KCTD17: variants seen among roughly 807,000 people sequenced by gnomAD.
KCTD17 encodes the protein BTB/POZ domain-containing protein KCTD17.
A neutral mutation model predicts 41.5 loss-of-function variants in KCTD17; 20 were observed. That is an observed-to-expected ratio of 0.48 (90% CI 0.34 to 0.70). The LOEUF (loss-of-function observed/expected upper bound fraction) is 0.70, where lower values mean the gene tolerates loss of function less well. Ranked by LOEUF, KCTD17 falls within the 30% of genes least tolerant of loss-of-function variation. KCTD17 has a pLI of 0.01. For missense variants in KCTD17, 317 were observed against 427.2 expected, an observed-to-expected ratio of 0.74 and a Z score of 2.27; for synonymous variants, 156 against 173.8, an observed-to-expected ratio of 0.90 and a Z score of 0.80.
intron 2 of KCTD17, among the ~76,000 whole-genome samples, chr22:37,054,520 G>A (rs1243107005): frequency 6.6e-6 from 1 of 151,910 alleles, no homozygotes; most frequent in Non-Finnish European, 1.5e-5. Flanking sequence ...GCTATCCGGG[G>A]GCTAGGGGAT....
Position 37,062,737 on chromosome 22 carries a change from T to A in KCTD17, c.*143T>A. The A allele has an allele frequency of 6.8e-7, 1 of 1,471,258 alleles. No individual in the cohort carries two copies. The allele number at this position is 1,471,258 out of a possible 1,614,324, so 91.1% of individuals were successfully genotyped here. ...GGGGCGGGGCCCCCCTGGGACCTCT[T>A]AAGGCCCAAGGTGGGCCCCAGGACC... On this transcript the variant is annotated 3_prime_UTR_variant, in exon 9 of 9. Coordinates refer to ENST00000403888, the MANE Select transcript of KCTD17 (RefSeq NM_001282684.2).
chr22:37,062,482 C>G (rs1191279681), intron 8 of KCTD17, 43 bp from the exon 9 acceptor site: 1 of 1,588,742 alleles, frequency 6.3e-7, no homozygotes, highest in South Asian at 1.1e-5. Flanking sequence ...GGCCCCACCT[C>G]CGCCCCTCCC....
intron 1 of KCTD17, 123 bp downstream of exon 1, chr22:37,052,072 A>C: frequency 1.2e-6 from 1 of 801,860 alleles, no homozygotes; most frequent in Non-Finnish European, 1.6e-6. Flanking sequence ...GAGGAACTGG[A>C]GGCGGGAAGA....
In KCTD17 at chr22:37,062,639, G is replaced by A. The variant is rs1568988691; in HGVS notation, c.*45G>A. ...ATGGGGTGGGCCCCGGGCCTGAGAA[G>A]GAAGAAGCACCCTCTCCCCGGCCTC... On this transcript the variant is annotated 3_prime_UTR_variant, in exon 9 of 9. Coordinates refer to ENST00000403888, the MANE Select transcript of KCTD17 (RefSeq NM_001282684.2). 1 of 1,589,800 alleles carries A rather than the reference G, an allele frequency of 6.3e-7. No individual in the cohort carries two copies. Among genetic ancestry groups the A allele is most frequent in the Non-Finnish European group, 8.6e-7 (1 of 1,167,434 alleles).
rs1925829897 is a variant in KCTD17 at position 37,061,769 on chromosome 22, G to T, written c.875+140G>T. On this transcript the variant is annotated intron_variant, in intron 8 of 8. Coordinates refer to ENST00000403888, the MANE Select transcript of KCTD17 (RefSeq NM_001282684.2). The surrounding 1 kb of genome is among the most constrained non-coding windows in gnomAD (Gnocchi z 6.6). ...ATCCGACCTTGGCCTTGGGGGTGAGGCTCTGAGAGGAGAAGAAAGTTAGGG... is the reference window on the plus strand; with the variant it reads ...ATCCGACCTTGGCCTTGGGGGTGAGTCTCTGAGAGGAGAAGAAAGTTAGGG... 1.4e-6 allele frequency: 2 copies of T among 1,434,156 alleles called. No individual in the cohort carries two copies. Among genetic ancestry groups the T allele is most frequent in the Non-Finnish European group, 1.8e-6 (2 of 1,090,052 alleles). The allele number at this position is 1,434,156 out of a possible 1,614,324, so 88.8% of individuals were successfully genotyped here. A position where few individuals can be genotyped will look rare whatever the true frequency, so the allele number is the denominator to read the frequency against.
Position 37,057,415 on chromosome 22 carries a change from G to T in KCTD17, c.408G>T (p.Val136=). 1 of 1,613,728 alleles carries T rather than the reference G, an allele frequency of 6.2e-7. No homozygotes were observed. The highest frequency in any genetic ancestry group is 8.5e-7 in the Non-Finnish European group (1 of 1,179,840). ...GCCCACAGGTCCCACCCAAGCACGT[G>T]TACCGCGTGCTGCAGTGCCAGGAGG... ...YTVTQVPPKH[V]YRVLQCQEEE... The change falls in exon 4 of 9, where the codon GTG becomes GTT. Residue 136 remains valine (V), a synonymous_variant. Coordinates refer to ENST00000403888, the MANE Select transcript of KCTD17 (RefSeq NM_001282684.2).
chr22:37,060,839 TGGA>T lies in KCTD17; in HGVS notation c.634_636del (p.Glu212del). On this transcript the variant is annotated inframe_deletion, in exon 6 of 9. Transcript: ENST00000403888. ...GGTTCACAGAGCACGGAGGAGCAGC[TGGA>T]GGAGCAGCAGCAGCAGGAGGAGGAG... 1 of 1,518,652 alleles carries T rather than the reference TGGA, an allele frequency of 6.6e-7. No homozygotes were observed. The highest frequency in any genetic ancestry group is 8.8e-7 in the Non-Finnish European group (1 of 1,132,024). The allele number at this position is 1,518,652 out of a possible 1,614,324, so 94.1% of individuals were successfully genotyped here.
intron 1 of KCTD17, 181 bp downstream of exon 1, chr22:37,052,130 T>C: frequency 2.6e-6 from 2 of 760,548 alleles, no homozygotes; most frequent in Non-Finnish European, 3.7e-6. Flanking sequence ...GTGAGGGATG[T>C]ACCCATTGCC....
In KCTD17 at chr22:37,053,217, G is replaced by A. The variant is rs374499572; in HGVS notation, c.298+9G>A. ...GGACATGGCTGAGGAGGGTGAGTTG[G>A]TCCAGGGGGCTGGCCTGGACCTTAT... On this transcript the variant is annotated intron_variant, in intron 2 of 8. Transcript: ENST00000403888. This position sits in a 1 kb window ranked among gnomAD's most constrained non-coding sequence, Gnocchi z 4.1. 1.3e-6 allele frequency: 2 copies of A among 1,586,122 alleles called. No individual in the cohort carries two copies. Among genetic ancestry groups the A allele is most frequent in the African/African-American group, 2.7e-5 (2 of 74,248 alleles).
At position 37,061,022 on chromosome 22, in the gene KCTD17, T is replaced by C; in HGVS notation, c.713-82T>C. On this transcript the variant is annotated intron_variant, in intron 6 of 8. Coordinates refer to ENST00000403888, the MANE Select transcript of KCTD17 (RefSeq NM_001282684.2). This position sits in a 1 kb window ranked among gnomAD's most constrained non-coding sequence, Gnocchi z 6.6. ...GCAGAACCGGGGGCCCCGGGGCTGCTGGGGGGGCACCAGGGTTAGCTCAGC... is the reference window on the plus strand; with the variant it reads ...GCAGAACCGGGGGCCCCGGGGCTGCCGGGGGGGCACCAGGGTTAGCTCAGC... The C allele has an allele frequency of 1.3e-6, 2 of 1,549,016 alleles. No individual in the cohort carries two copies. Among genetic ancestry groups the C allele is most frequent in the Non-Finnish European group, 1.7e-6 (2 of 1,145,102 alleles).
chr22:37,053,027 T>A lies in KCTD17; in HGVS notation c.190-73T>A, dbSNP rs1924675408. Reference sequence around the variant, plus strand: ...GAGCTCTCCCTCCACTCTCCTTCCCTCCCTGTGCGTGTGCGGGGTTGGCTG... The same window carrying A: ...GAGCTCTCCCTCCACTCTCCTTCCCACCCTGTGCGTGTGCGGGGTTGGCTG... On this transcript the variant is annotated intron_variant, in intron 1 of 8. Transcript: ENST00000403888. The surrounding 1 kb of genome is among the most constrained non-coding windows in gnomAD (Gnocchi z 4.1). 1 of 1,233,258 alleles carries A rather than the reference T, an allele frequency of 8.1e-7. No homozygotes were observed. Among genetic ancestry groups the A allele is most frequent in the Non-Finnish European group, 1.2e-6 (1 of 860,012 alleles). 76.4% of individuals were successfully genotyped at this position (1,233,258 alleles called of 1,614,324 possible).
chr22:37,052,882 A>G (rs1476570779), intron 1 of KCTD17, among the ~76,000 whole-genome samples: 1 of 152,176 alleles, frequency 6.6e-6, no homozygotes, highest in East Asian at 1.9e-4. Context: ...GTGAGTTTCA[A>G]AGAGGCCAAA....
At position 37,062,909 on chromosome 22, in the gene KCTD17, T is replaced by C. The variant is rs947051501; in HGVS notation, c.*315T>C. The C allele has an allele frequency of 9.9e-6, 4 of 404,294 alleles. No homozygotes were observed. The highest frequency in any genetic ancestry group is 1.3e-5 in the Non-Finnish European group (3 of 224,186). The allele number at this position is 404,294 out of a possible 1,614,324, so 25.0% of individuals were successfully genotyped here. On this transcript the variant is annotated 3_prime_UTR_variant, in exon 9 of 9. Transcript: ENST00000403888. ...GTCACATTGCCTCCTTGAGCCTTAG[T>C]CCAGGGGGTCACTCCTCCCACCCCA...
At position 37,057,512 on chromosome 22, in the gene KCTD17, C is replaced by A; in HGVS notation, c.486+19C>A. 6.3e-7 allele frequency: 1 copy of A among 1,597,904 alleles called. No homozygotes were observed. Among genetic ancestry groups the A allele is most frequent in the Non-Finnish European group, 8.5e-7 (1 of 1,172,564 alleles). On this transcript the variant is annotated intron_variant, in intron 4 of 8. Coordinates refer to ENST00000403888, the MANE Select transcript of KCTD17 (RefSeq NM_001282684.2). ...CGAGCAGGTGCGCTGGGGACAGGGGCGTGCCACCAGGACAACCCTGGGACC... is the reference window on the plus strand; with the variant it reads ...CGAGCAGGTGCGCTGGGGACAGGGGAGTGCCACCAGGACAACCCTGGGACC...
At position 37,059,363 on chromosome 22, in the gene KCTD17, G is replaced by A. The variant is rs760964634; in HGVS notation, c.537G>A (p.Glu179=). 6.2e-7 allele frequency: 1 copy of A among 1,613,252 alleles called. No individual in the cohort carries two copies. Among genetic ancestry groups the A allele is most frequent in the Non-Finnish European group, 8.5e-7 (1 of 1,179,852 alleles). ...ACTACGGCAGCGAGGACCAGGCAGA[G>A]TTCCTGTGTGTGGTGTCCAAGGAGC... The part of the protein sequence containing the change: ...SYNYGSEDQA[E]FLCVVSKELH... The change falls in exon 5 of 9, where the codon GAG becomes GAA. Residue 179 remains glutamate (E), a synonymous_variant. Transcript: ENST00000403888.
chr22:37,062,042 C>T, intron 8 of KCTD17: 3 of 984,160 alleles, frequency 3.0e-6, no homozygotes, highest in Non-Finnish European at 3.6e-6. Context: ...GCCATGTGCC[C>T]ACAAGCCCCC....
In KCTD17 at chr22:37,059,343, G is replaced by A. The variant is rs1370972985; in HGVS notation, c.517G>A (p.Gly173Ser). ...LVNIGSSYNY[G>S]SEDQAEFLCV... is the part of the protein sequence containing the mutation. ...GAACATCGGCTCCTCCTACAACTACGGCAGCGAGGACCAGGCAGAGTTCCT... is the reference window on the plus strand; with the variant it reads ...GAACATCGGCTCCTCCTACAACTACAGCAGCGAGGACCAGGCAGAGTTCCT... Residue 173 changes from glycine (G) to serine (S), a missense_variant, in exon 5 of 9, where the codon GGC (glycine) becomes AGC (serine). Coordinates refer to ENST00000403888, the MANE Select transcript of KCTD17 (RefSeq NM_001282684.2). 6 of 1,613,092 alleles carry A rather than the reference G, an allele frequency of 3.7e-6. No homozygotes were observed. The highest frequency in any genetic ancestry group is 1.6e-4 in the Middle Eastern group (1 of 6,062).
In KCTD17 at chr22:37,052,156, C is replaced by T; in HGVS notation, c.189+207C>T. 3 of 657,736 alleles carry T rather than the reference C, an allele frequency of 4.6e-6. No individual in the cohort carries two copies. The South Asian group carries it at 8.9e-5, about 19-fold the overall frequency. The allele number at this position is 657,736 out of a possible 1,614,324, so 40.7% of individuals were successfully genotyped here. A position where few individuals can be genotyped will look rare whatever the true frequency, so the allele number is the denominator to read the frequency against. Reference sequence around the variant, plus strand: ...ACCCATTGCCGTGGCAACGGGACGACGCAGGCCGCGGCCATTAGAAGCTCT... The same window carrying T: ...ACCCATTGCCGTGGCAACGGGACGATGCAGGCCGCGGCCATTAGAAGCTCT... On this transcript the variant is annotated intron_variant, in intron 1 of 8. Coordinates refer to ENST00000403888, the MANE Select transcript of KCTD17 (RefSeq NM_001282684.2).
chr22:37,059,381 C>T lies in KCTD17; in HGVS notation c.555C>T (p.Ser185=). 1 of 1,612,984 alleles carries T rather than the reference C, an allele frequency of 6.2e-7. No homozygotes were observed. The highest frequency in any genetic ancestry group is 1.3e-5 in the African/African-American group (1 of 75,022). Residue 185 remains serine (S), a synonymous_variant, in exon 5 of 9, where the codon TCC becomes TCT. Transcript: ENST00000403888. Reference sequence around the variant, plus strand: ...AGGCAGAGTTCCTGTGTGTGGTGTCCAAGGAGCTCCACAGCACCCCAAACG... The same window carrying T: ...AGGCAGAGTTCCTGTGTGTGGTGTCTAAGGAGCTCCACAGCACCCCAAACG... ...EDQAEFLCVV[S]KELHSTPNGL... is the part of the protein sequence containing the mutation.
Sources: gnomAD v4.1 joint callset for allele counts (sites outside exome capture counted in the v4.1 genomes callset) on GRCh38, gnomAD v4.1.1 for gene constraint, Gnocchi (gnomAD v3.1) non-coding constraint, MANE v1.5 for transcripts, NCBI Gene and HGNC (gene_info 2026-07-23, HGNC 2026-07-21) for gene names.